DOCK1: variants seen among roughly 807,000 people sequenced by gnomAD.
The protein encoded by DOCK1 is dedicator of cytokinesis 1, also known as dedicator of cytokinesis protein 1.
A neutral mutation model predicts 262.7 loss-of-function variants in DOCK1; 138 were observed. The observed-to-expected ratio is 0.53, with a 90% CI of 0.46 to 0.61. The LOEUF (loss-of-function observed/expected upper bound fraction) is 0.61. Ranked by LOEUF, DOCK1 falls within the 20% of genes least tolerant of loss-of-function variation. DOCK1 has a pLI of 0.00. For synonymous variants in DOCK1, 866 were observed against 867.4 expected, an observed-to-expected ratio of 1.00 and a Z score of 0.03; for missense variants, 1,908 against 2,370.7, an observed-to-expected ratio of 0.80 and a Z score of 4.05.
At chr10:127,153,939 A>T in intron 27 of DOCK1, 1 of 1,608,308 alleles carries the variant, frequency 6.2e-7, no homozygotes, top group Non-Finnish European at 8.5e-7. Context: ...AGATAAGAAC[A>T]GGAGAGCATT....
At chr10:126,950,076 A>C (rs905523141) in intron 1 of DOCK1, among the ~76,000 whole-genome samples, 1 of 151,790 alleles carries the variant, frequency 6.6e-6, no homozygotes, top group African/African-American at 2.4e-5. Flanking sequence ...TCCATTTGTG[A>C]AATGGGAATG....
At chr10:126,964,941 T>C (rs1349264480) in intron 1 of DOCK1, among the ~76,000 whole-genome samples, 2 of 152,272 alleles carry the variant, frequency 1.3e-5, no homozygotes. Flanking sequence ...TCTTTCAGAC[T>C]GCATGAGGAA....
intron 16 of DOCK1, among the ~76,000 whole-genome samples, chr10:127,030,287 T>A (rs955161562): frequency 6.6e-6 from 1 of 152,202 alleles, no homozygotes; most frequent in Non-Finnish European, 1.5e-5. Context: ...TCTGCTGGGA[T>A]TGCAACTTGA....
chr10:127,121,467 G>GTGTGTGTGTGTGTGTGTGTA (rs1554889200), intron 25 of DOCK1, among the ~76,000 whole-genome samples: 1 of 151,998 alleles, frequency 6.6e-6, no homozygotes, highest in African/African-American at 2.4e-5. Context: ...GTGTGTGTGT[G>GTGTGTGTGTGTGTGTGTGTA]TGTGTGTGTC....
chr10:126,947,847 ATGG>A (rs2035663711), intron 1 of DOCK1, among the ~76,000 whole-genome samples: 2 of 21,080 alleles, frequency 9.5e-5, no homozygotes, highest in Admixed American at 5.4e-4. Context: ...GTTGTTGGTG[ATGG>A]TGGTGGTTGG....
rs2063773570 is a variant in DOCK1 at position 127,349,224 on chromosome 10, G to A, written c.3225-5445G>A. On this transcript the variant is annotated intron_variant, in intron 31 of 51. Transcript: ENST00000623213. Reference sequence around the variant, plus strand: ...CCTTTCCCCACCTCCCACCCACTCCGATGCTGGCTCTGGGCACTGCATTGC... The same window carrying A: ...CCTTTCCCCACCTCCCACCCACTCCAATGCTGGCTCTGGGCACTGCATTGC... 5.3e-5 allele frequency among the ~76,000 whole-genome samples: 8 copies of A among 151,780 alleles called. No homozygotes were observed. The South Asian group carries it at 1.5e-3, about 28-fold the overall frequency.
At position 127,219,375 on chromosome 10, in the gene DOCK1, C is replaced by T. The variant is rs1262160035; in HGVS notation, c.2848-28633C>T. Among the ~76,000 whole-genome samples, 3 of 152,080 alleles carry T rather than the reference C, an allele frequency of 2.0e-5. No homozygotes were observed. The East Asian group carries it at 5.8e-4, about 29-fold the overall frequency. Reference sequence around the variant, plus strand: ...AGCTTTATATTAACTTTCTCATCAGCAGTTGGCCTACTTGCTTAGGCCAAT... The same window carrying T: ...AGCTTTATATTAACTTTCTCATCAGTAGTTGGCCTACTTGCTTAGGCCAAT... On this transcript the variant is annotated intron_variant, in intron 27 of 51. Coordinates refer to ENST00000623213, the MANE Select transcript of DOCK1 (RefSeq NM_001290223.2).
At chr10:127,374,326 G>A in intron 35 of DOCK1, 112 bp downstream of exon 35, 1 of 1,332,252 alleles carries the variant, frequency 7.5e-7, no homozygotes, top group East Asian at 2.6e-5. Context: ...TTCCACCGCA[G>A]AACAATCTCC....
chr10:127,338,943 C>G, intron 29 of DOCK1, 63 bp from the exon 30 acceptor site: 1 of 1,402,642 alleles, frequency 7.1e-7, no homozygotes, highest in Non-Finnish European at 9.8e-7. Context: ...AATTGAAATG[C>G]CAAACCTACC....
At chr10:127,422,532 A>C (rs896324712) in intron 46 of DOCK1, among the ~76,000 whole-genome samples, 1 of 152,166 alleles carries the variant, frequency 6.6e-6, no homozygotes, top group African/African-American at 2.4e-5. Context: ...ATATAAACAA[A>C]AATTATATTA....
chr10:127,121,226 CT>C (rs35938133), intron 25 of DOCK1, among the ~76,000 whole-genome samples: 96,186 of 136,080 alleles, frequency 0.71, 36,226 homozygotes, highest in South Asian at 0.87. Flanking sequence ...ACCCCTCCTC[CT>C]TTTTTTTTTT....
rs115851991 is a variant in DOCK1 at position 127,220,096 on chromosome 10, C to A, written c.2848-27912C>A. On this transcript the variant is annotated intron_variant, in intron 27 of 51. Transcript: ENST00000623213. ...AGAAAATTACAGAGAAAAAAATGTT[C>A]AAAGATTTCATGTAGTTAAACATTC... 7.8e-3 allele frequency among the ~76,000 whole-genome samples: 1,191 copies of A among 151,936 alleles called. 8 individuals carry two copies. Among genetic ancestry groups the A allele is most frequent in the African/African-American group, 0.018 (731 of 41,418 alleles).
intron 27 of DOCK1, among the ~76,000 whole-genome samples, chr10:127,138,553 A>G (rs2050910834): frequency 6.6e-6 from 1 of 152,166 alleles, no homozygotes; most frequent in Non-Finnish European, 1.5e-5. Flanking sequence ...CTGTCTGAAA[A>G]TCTGATAAGG....
chr10:126,999,516 G>A (rs1168673759), intron 9 of DOCK1, 81 bp downstream of exon 9: 14 of 1,191,578 alleles, frequency 1.2e-5, no homozygotes, highest in Non-Finnish European at 1.5e-5. Flanking sequence ...GCCTTCCTGC[G>A]ACACTAGAAC....
intron 10 of DOCK1, 26 bp from the exon 11 acceptor site, chr10:127,008,706 A>G: frequency 2.6e-6 from 4 of 1,560,590 alleles, no homozygotes; most frequent in Non-Finnish European, 1.7e-6. Flanking sequence ...AAGCCAAAAC[A>G]ATCTCTGTTC....
intron 12 of DOCK1, among the ~76,000 whole-genome samples, chr10:127,018,095 C>G (rs564682412): frequency 1.3e-5 from 2 of 152,118 alleles, no homozygotes; most frequent in Non-Finnish European, 2.9e-5. Flanking sequence ...AGAAAAGAGC[C>G]GAGAGCGGCT....
chr10:127,028,665 G>A (rs2043041364), intron 16 of DOCK1, among the ~76,000 whole-genome samples: 1 of 152,200 alleles, frequency 6.6e-6, no homozygotes, highest in Admixed American at 6.5e-5. Context: ...AAGCTGCTGG[G>A]GTTTCTCCTC....
chr10:127,195,664 C>T (rs561873247), intron 27 of DOCK1, among the ~76,000 whole-genome samples: 5 of 152,176 alleles, frequency 3.3e-5, no homozygotes, highest in Non-Finnish European at 7.4e-5. Flanking sequence ...GTCGGGCGCT[C>T]ACGAAGCTGT....
chr10:127,401,726 T>C (rs1328951727), intron 38 of DOCK1, among the ~76,000 whole-genome samples: 3 of 140,170 alleles, frequency 2.1e-5, no homozygotes, highest in Non-Finnish European at 4.8e-5. Flanking sequence ...AGAGAGACAG[T>C]GTACACCTGC....
Sources: allele counts gnomAD v4.1 joint callset (sites outside exome capture counted in the v4.1 genomes callset), GRCh38; gene constraint gnomAD v4.1.1; transcripts MANE v1.5; gene names NCBI Gene and HGNC (gene_info 2026-07-23, HGNC 2026-07-21).